The following UBE2E3 variants were observed in gnomAD, a reference collection of about 807,000 sequenced individuals.
The protein encoded by UBE2E3 is ubiquitin conjugating enzyme E2 E3, also known as ubiquitin-conjugating enzyme E2 E3.
Under a neutral mutation model 23.6 loss-of-function variants are expected in UBE2E3, and 5 were observed. That is an observed-to-expected ratio of 0.21 (90% CI 0.11 to 0.44). The LOEUF is 0.44. Ranked by LOEUF, UBE2E3 falls within the 20% of genes least tolerant of loss-of-function variation. The pLI is 0.99. For missense variants in UBE2E3, 81 were observed against 249.8 expected (o/e 0.32, Z 4.55); for synonymous variants, 78 against 87.5 (o/e 0.89, Z 0.60).
intron 3 of UBE2E3, among the ~76,000 whole-genome samples, chr2:181,004,298 TTTC>T (rs1270737181): frequency 6.6e-6 from 1 of 152,212 alleles, no homozygotes. Flanking sequence ...ATATTTTAAA[TTTC>T]TTATTTGTAT....
chr2:180,981,909 T>G lies in UBE2E3; in HGVS notation c.-25-109T>G, dbSNP rs193256975. The G allele has an allele frequency of 4.6e-5, 37 of 796,408 alleles. No homozygotes were observed. The East Asian group carries it at 9.4e-4, about 20-fold the overall frequency. The allele number at this position is 796,408 out of a possible 1,614,324, so 49.3% of individuals were successfully genotyped here. A position where few individuals can be genotyped will look rare whatever the true frequency, so the allele number is the denominator to read the frequency against. On this transcript the variant is annotated intron_variant, in intron 1 of 5. Transcript: ENST00000410062. ...TACGATGAAATAAGTGTGAACACTT[T>G]TGAAGCTTTTTCATTACAAGACGAT... is the stretch of plus-strand genomic sequence containing the variant.
rs1331480918 is a variant in UBE2E3, at chr2:180,988,616, T to C, written c.245+4523T>C. ...TTGTAAAATTCACATTCTGGATTGC[T>C]GTTACCTGCATTACCTAACCCCATA... On this transcript the variant is annotated intron_variant, in intron 3 of 5. Coordinates refer to ENST00000410062, the MANE Select transcript of UBE2E3 (RefSeq NM_006357.4). Among the ~76,000 whole-genome samples the C allele has an allele frequency of 2.0e-5, 3 of 152,312 alleles. No homozygotes were observed. The East Asian group carries it at 5.8e-4, about 29-fold the overall frequency.
chr2:181,033,715 A>C (rs1686165562), intron 3 of UBE2E3, among the ~76,000 whole-genome samples: 1 of 152,212 alleles, frequency 6.6e-6, no homozygotes, highest in Admixed American at 6.5e-5. Context: ...CTGCACAGCA[A>C]AAGAAACTAC....
At chr2:181,006,177 G>A (rs1039336810) in intron 3 of UBE2E3, among the ~76,000 whole-genome samples, 4 of 152,110 alleles carry the variant, frequency 2.6e-5, no homozygotes, top group Admixed American at 1.3e-4. Context: ...GTCAGAATTC[G>A]TATCACCAGG....
intron 3 of UBE2E3, among the ~76,000 whole-genome samples, chr2:181,044,805 GCTTACTGTACT>G (rs1211740080): frequency 7.2e-5 from 11 of 152,030 alleles, no homozygotes; most frequent in African/African-American, 2.4e-4. Flanking sequence ...TTCTGATTTA[GCTTACTGTACT>G]CTCCAGTAAT....
intron 3 of UBE2E3, among the ~76,000 whole-genome samples, chr2:181,038,683 CTCTG>C (rs1686377917): frequency 6.6e-6 from 1 of 152,092 alleles, no homozygotes; most frequent in African/African-American, 2.4e-5. Context: ...ATTTGAAAAC[CTCTG>C]TCTGATAAAA....
intron 3 of UBE2E3, among the ~76,000 whole-genome samples, chr2:181,026,315 T>C (rs1685881058): frequency 2.1e-5 from 3 of 141,732 alleles, no homozygotes; most frequent in African/African-American, 7.5e-5. Flanking sequence ...TTTTGTAATC[T>C]GATTTTTTTT....
At chr2:181,000,785 A>ATCGTGTGAT (rs1684967995) in intron 3 of UBE2E3, among the ~76,000 whole-genome samples, 2 of 152,134 alleles carry the variant, frequency 1.3e-5, no homozygotes, top group African/African-American at 4.8e-5. Context: ...CGATCTCCTG[A>ATCGTGTGAT]TCGTGTGATC....
At chr2:181,032,236 A>G (rs1686104662) in intron 3 of UBE2E3, among the ~76,000 whole-genome samples, 1 of 152,230 alleles carries the variant, frequency 6.6e-6, no homozygotes, top group South Asian at 2.1e-4. Flanking sequence ...ATTATTTCAA[A>G]GGAAAAGTAA....
chr2:181,017,670 AAGTGTC>A (rs1685538635), intron 3 of UBE2E3, among the ~76,000 whole-genome samples: 1 of 148,562 alleles, frequency 6.7e-6, no homozygotes, highest in African/African-American at 2.5e-5. Context: ...TTTAATACGG[AAGTGTC>A]ATATGTTGCT....
intron 3 of UBE2E3, among the ~76,000 whole-genome samples, chr2:181,030,463 A>G (rs1019836554): frequency 6.6e-6 from 1 of 152,104 alleles, no homozygotes; most frequent in African/African-American, 2.4e-5. Flanking sequence ...TTTTTTCAAT[A>G]TGAACAGTCT....
At chr2:181,016,984 A>G (rs1685511586) in intron 3 of UBE2E3, among the ~76,000 whole-genome samples, 1 of 152,182 alleles carries the variant, frequency 6.6e-6, no homozygotes, top group African/African-American at 2.4e-5. Context: ...TTGTGCTTGA[A>G]ACTGGCAATT....
chr2:180,987,390 G>T, intron 3 of UBE2E3: 9 of 1,549,906 alleles, frequency 5.8e-6, no homozygotes, highest in Non-Finnish European at 7.9e-6. Context: ...CGAAAGTTTA[G>T]AAAGGTACTG....
intron 3 of UBE2E3, among the ~76,000 whole-genome samples, chr2:181,020,855 T>C (rs927658204): frequency 1.3e-5 from 2 of 152,222 alleles, no homozygotes; most frequent in Non-Finnish European, 2.9e-5. Context: ...TGGGTAAATC[T>C]AGTGATATGG....
chr2:180,982,195 C>T lies in UBE2E3; in HGVS notation c.153C>T (p.Leu51=), dbSNP rs749868230. Residue 51 remains leucine, a synonymous_variant, in exon 2 of 6, where the codon CTC becomes CTT. Coordinates refer to ENST00000410062, the MANE Select transcript of UBE2E3 (RefSeq NM_006357.4). The stretch of plus-strand genomic sequence containing the variant: ...CCCAGCAGAAGAAAAACACCAAACT[C>T]TCTAGCAAAACCACTGCTAAGTTAT... ...SATQQKKNTK[L]SSKTTAKLST... 3.1e-6 allele frequency: 5 copies of T among 1,612,046 alleles called. No homozygotes were observed. The highest frequency in any genetic ancestry group is 1.7e-4 in the Middle Eastern group (1 of 6,042).
intron 5 of UBE2E3, among the ~76,000 whole-genome samples, chr2:181,062,470 C>T (rs1574230747): frequency 6.6e-6 from 1 of 151,454 alleles, no homozygotes; most frequent in East Asian, 2.0e-4. Flanking sequence ...ATATAACCAC[C>T]TAGTATACTT....
chr2:181,013,604 T>C lies in UBE2E3; in HGVS notation c.245+29511T>C, dbSNP rs563951040. ...GAGGGAGGGAAGGATGACATTTCCA[T>C]GTAACCTGGACTTCTATAAACCTGA... On this transcript the variant is annotated intron_variant, in intron 3 of 5. Transcript: ENST00000410062. 3.3e-5 allele frequency among the ~76,000 whole-genome samples: 5 copies of C among 152,174 alleles called. No individual in the cohort carries two copies. The South Asian group carries it at 1.0e-3, about 32-fold the overall frequency.
chr2:181,036,185 A>G (rs377339888), intron 3 of UBE2E3, among the ~76,000 whole-genome samples: 23 of 152,220 alleles, frequency 1.5e-4, no homozygotes, highest in African/African-American at 5.5e-4. Flanking sequence ...ACATAGAGTA[A>G]TCAAAATAGT....
chr2:181,030,526 G>A (rs1161908232), intron 3 of UBE2E3, among the ~76,000 whole-genome samples: 1 of 151,958 alleles, frequency 6.6e-6, no homozygotes, highest in East Asian at 1.9e-4. Context: ...ATTTGAGATT[G>A]GCTTCTTTTT....
Sources: allele counts gnomAD v4.1 joint callset (sites outside exome capture counted in the v4.1 genomes callset), GRCh38; gene constraint gnomAD v4.1.1; transcripts MANE v1.5; gene names NCBI Gene and HGNC (gene_info 2026-07-23, HGNC 2026-07-21).